CNTRL: variants seen among roughly 807,000 people sequenced by gnomAD.
The protein encoded by CNTRL is 110 kDa centrosomal protein.
Under a neutral mutation model 303.7 loss-of-function variants are expected in CNTRL, and 233 were observed. The ratio of observed to expected loss-of-function variants is 0.77; its 90% CI spans 0.69 to 0.86. CNTRL has a LOEUF of 0.86. Ranked by LOEUF, CNTRL falls within the 40% of genes least tolerant of loss-of-function variation. CNTRL has a pLI of 0.00. For synonymous variants in CNTRL, 900 were observed against 922.2 expected (o/e 0.98, Z 0.44); for missense variants, 2,524 against 2,650.6 (o/e 0.95, Z 1.05).
chr9:121,078,654 T>G (rs1228631612), intron 1 of CNTRL, among the ~76,000 whole-genome samples: 1 of 152,202 alleles, frequency 6.6e-6, no homozygotes, highest in Admixed American at 6.5e-5. Flanking sequence ...TGATGCCAAC[T>G]GTAAGCCTCA....
Position 121,139,664 on chromosome 9 carries a change from G to T in CNTRL, c.2338-977G>T, listed in dbSNP as rs146528628. Reference sequence around the variant, plus strand: ...CTTGAGTTATCATTTTCCATTTTTAGTATAGAAATTTGCATATAACACAAA... The same window carrying T: ...CTTGAGTTATCATTTTCCATTTTTATTATAGAAATTTGCATATAACACAAA... On this transcript the variant is annotated intron_variant, in intron 16 of 43. Transcript: ENST00000373855. Among the ~76,000 whole-genome samples, 1,122 of 152,148 alleles carry T rather than the reference G, an allele frequency of 7.4e-3. 8 individuals carry two copies. The highest frequency in any genetic ancestry group is 0.031 in the East Asian group (158 of 5,180).
chr9:121,146,189 G>C lies in CNTRL; in HGVS notation c.3392G>C (p.Ser1131Thr). The C allele has an allele frequency of 1.4e-5, 23 of 1,613,588 alleles. 1 individual carries two copies. The highest frequency in any genetic ancestry group is 1.9e-5 in the Non-Finnish European group (23 of 1,179,856). The change falls in exon 23 of 44, where the codon AGC becomes ACC. Residue 1131 changes from serine (S) to threonine (T), a missense_variant. Physicochemically the swap from Ser to Thr is moderately conservative, Grantham distance 58. Coordinates refer to ENST00000373855, the MANE Select transcript of CNTRL (RefSeq NM_007018.6). ...REVSYQNDYI[S>T]SMADPFKRRG... ...GTTTCTTATCAGAATGATTACATAAGCAGCATGGCAGATCCTTTCAAAAGA... is the reference window on the plus strand; with the variant it reads ...GTTTCTTATCAGAATGATTACATAACCAGCATGGCAGATCCTTTCAAAAGA...
intron 2 of CNTRL, among the ~76,000 whole-genome samples, chr9:121,080,732 A>G (rs2048105443): frequency 6.6e-6 from 1 of 152,210 alleles, no homozygotes; most frequent in African/African-American, 2.4e-5. Context: ...AATTGAATAT[A>G]TTAATAGATT....
intron 14 of CNTRL, among the ~76,000 whole-genome samples, chr9:121,131,939 T>C (rs1382424779): frequency 6.6e-6 from 1 of 152,206 alleles, no homozygotes; most frequent in African/African-American, 2.4e-5. Context: ...ATTATTTTCT[T>C]TTAAGAATGT....
Position 121,123,349 on chromosome 9 carries a change from G to T in CNTRL, c.1651-582G>T, listed in dbSNP as rs2050337990. Among the ~76,000 whole-genome samples the T allele has an allele frequency of 2.0e-5, 3 of 152,178 alleles. No homozygotes were observed. In the South Asian group the frequency reaches 6.2e-4, roughly 31 times the overall value. On this transcript the variant is annotated intron_variant, in intron 12 of 43. Transcript: ENST00000373855. ...AATCCCAGCGATTTGGGAGGCCAAG[G>T]CCGGCAGATCACTTGAGGTCAGGAG...
rs1328768950 is a variant in CNTRL at position 121,088,536 on chromosome 9, C to A, written c.210C>A (p.Asp70Glu). The A allele has an allele frequency of 1.3e-6, 2 of 1,592,180 alleles. No homozygotes were observed. The highest frequency in any genetic ancestry group is 1.7e-5 in the Admixed American group (1 of 59,480). ...DENNMLLDYQ[D>E]HKGADSHAGV... The stretch of plus-strand genomic sequence containing the variant: ...ACAATATGCTTTTGGACTATCAAGA[C>A]CATAAAGGTATCACTTTTTAATCTA... The change falls in exon 3 of 44, where the codon GAC becomes GAA. Residue 70 changes from aspartate to glutamate, a missense_variant. Coordinates refer to ENST00000373855, the MANE Select transcript of CNTRL (RefSeq NM_007018.6).
chr9:121,088,893 T>C (rs765131184), intron 3 of CNTRL, among the ~76,000 whole-genome samples: 2 of 152,264 alleles, frequency 1.3e-5, no homozygotes, highest in Non-Finnish European at 2.9e-5. Context: ...AAAAACGTTA[T>C]ACATACTTGG....
In CNTRL at chr9:121,112,475, T is replaced by C. The variant is rs773686285; in HGVS notation, c.1019T>C (p.Ile340Thr). ...TKNELLKQKT[I>T]ELTRACQKQY... ...GGCCAATAGCTAAAACAGAAGACCA[T>C]AGAATTAACACGAGCATGTCAGAAG... is the stretch of plus-strand genomic sequence containing the variant. The change falls in exon 9 of 44, where the codon ATA becomes ACA. Residue 340 changes from isoleucine to threonine, a missense_variant. Ile to Thr is a moderately conservative substitution (Grantham distance 89). Transcript: ENST00000373855. 2 of 1,612,814 alleles carry C rather than the reference T, an allele frequency of 1.2e-6. No homozygotes were observed. The highest frequency in any genetic ancestry group is 1.7e-5 in the Admixed American group (1 of 59,948).
intron 8 of CNTRL, among the ~76,000 whole-genome samples, chr9:121,108,809 A>G (rs1453452973): frequency 6.6e-6 from 1 of 152,156 alleles, no homozygotes; most frequent in Non-Finnish European, 1.5e-5. Flanking sequence ...TATATACAAA[A>G]TTAATGTATG....
At chr9:121,102,547 G>T (rs1248086101) in intron 7 of CNTRL, among the ~76,000 whole-genome samples, 1 of 152,150 alleles carries the variant, frequency 6.6e-6, no homozygotes, top group Non-Finnish European at 1.5e-5. Flanking sequence ...ATTCTGGCCA[G>T]GGCAATCAGG....
At chr9:121,104,557 AAAAAG>A (rs144064740) in intron 7 of CNTRL, among the ~76,000 whole-genome samples, 12,193 of 152,114 alleles carry the variant, frequency 0.08, 1,142 homozygotes, top group African/African-American at 0.22. Flanking sequence ...AAAACTATCC[AAAAAG>A]AAAAGAAAAA....
At position 121,098,530 on chromosome 9, in the gene CNTRL, A is replaced by G. The variant is rs779062127; in HGVS notation, c.766A>G (p.Thr256Ala). 5 of 1,613,764 alleles carry G rather than the reference A, an allele frequency of 3.1e-6. No individual in the cohort carries two copies. In the South Asian group the frequency reaches 4.4e-5, roughly 14 times the overall value. ...SLESLEGQPV[T>A]TQDRQEAFER... ...GGAAAGTTTGGAAGGTCAGCCAGTAACCACTCAGGATAGACAGGAGGCTTT... is the reference window on the plus strand; with the variant it reads ...GGAAAGTTTGGAAGGTCAGCCAGTAGCCACTCAGGATAGACAGGAGGCTTT... Residue 256 changes from threonine (T) to alanine (A), a missense_variant, in exon 7 of 44, where the codon ACC becomes GCC. Transcript: ENST00000373855.
chr9:121,149,605 C>T (rs2052096115), intron 24 of CNTRL, among the ~76,000 whole-genome samples: 1 of 151,932 alleles, frequency 6.6e-6, no homozygotes, highest in South Asian at 2.1e-4. Context: ...GAGGGTTTCA[C>T]CATATTAGAC....
At chr9:121,095,147 A>G (rs1186310238) in intron 5 of CNTRL, 129 bp downstream of exon 5, 4 of 685,940 alleles carry the variant, frequency 5.8e-6, no homozygotes, top group Non-Finnish European at 6.9e-6. Context: ...TTATTCATCA[A>G]TCAAATGAAT....
At chr9:121,130,524 C>A (rs1327714062) in intron 14 of CNTRL, among the ~76,000 whole-genome samples, 1 of 151,968 alleles carries the variant, frequency 6.6e-6, no homozygotes, top group Non-Finnish European at 1.5e-5. Flanking sequence ...ACCCTCTTTT[C>A]TTCTTTGTTA....
chr9:121,173,531 C>T (rs1487454028), intron 41 of CNTRL, 22 bp downstream of exon 41: 1 of 1,611,350 alleles, frequency 6.2e-7, no homozygotes. Context: ...TCCTGCTATT[C>T]TCTGGGTTCG....
intron 12 of CNTRL, 28 bp from the exon 13 acceptor site, chr9:121,123,903 G>A: frequency 1.3e-6 from 2 of 1,528,900 alleles, no homozygotes. Flanking sequence ...GGAACTTGGA[G>A]TTTTGTTGAT....
rs1231322697 is a variant in CNTRL, at chr9:121,154,703, G to A, written c.4173-18G>A. Reference sequence around the variant, plus strand: ...CTACATTTAACATTTTTTAATGGGTGTATATATTATTTTTTAGGGACTTCA... The same window carrying A: ...CTACATTTAACATTTTTTAATGGGTATATATATTATTTTTTAGGGACTTCA... On this transcript the variant is annotated intron_variant, in intron 26 of 43. Coordinates refer to ENST00000373855, the MANE Select transcript of CNTRL (RefSeq NM_007018.6). 2.0e-6 allele frequency: 3 copies of A among 1,471,708 alleles called. No individual in the cohort carries two copies. The highest frequency in any genetic ancestry group is 1.7e-5 in the Admixed American group (1 of 59,378). 91.2% of individuals were successfully genotyped at this position (1,471,708 alleles called of 1,614,324 possible).
intron 34 of CNTRL, among the ~76,000 whole-genome samples, chr9:121,163,194 T>G (rs977106121): frequency 7.0e-6 from 1 of 142,386 alleles, no homozygotes; most frequent in Admixed American, 7.0e-5. Context: ...AAAAAAATAA[T>G]AATAAAAATA....
Sources: allele counts gnomAD v4.1 joint callset (sites outside exome capture counted in the v4.1 genomes callset), GRCh38; gene constraint gnomAD v4.1.1; transcripts MANE v1.5; gene names NCBI Gene and HGNC (gene_info 2026-07-23, HGNC 2026-07-21).